The following CCDC148 variants were observed in gnomAD, a reference collection of about 807,000 sequenced individuals.
CCDC148 encodes coiled-coil domain containing 148.
Under a neutral mutation model 85.7 loss-of-function variants are expected in CCDC148, and 89 were observed. The observed-to-expected ratio is 1.04, with a 90% confidence interval of 0.87 to 1.24. The LOEUF is 1.24. Ranked by LOEUF, CCDC148 falls within the 50% of genes most tolerant of loss-of-function variation. The pLI is 0.00. For missense variants in CCDC148, 692 were observed against 671.7 expected (o/e 1.03, Z -0.33); for synonymous variants, 230 against 213.9 (o/e 1.08, Z -0.66).
chr2:158,299,277 T>A (rs1292682977), intron 9 of CCDC148, among the ~76,000 whole-genome samples: 1 of 152,198 alleles, frequency 6.6e-6, no homozygotes, highest in Non-Finnish European at 1.5e-5. Context: ...CTAGTGGTTG[T>A]TCTCTGTTTG....
intron 10 of CCDC148, among the ~76,000 whole-genome samples, chr2:158,247,017 T>G (rs796526684): frequency 1.3e-5 from 2 of 152,172 alleles, no homozygotes; most frequent in East Asian, 3.8e-4. Context: ...TTAATAACCT[T>G]GATTACTTGA....
At chr2:158,207,593 A>T (rs1686320512) in intron 11 of CCDC148, 1 of 152,246 alleles carries the variant, frequency 6.6e-6, no homozygotes, top group Non-Finnish European at 1.5e-5. Context: ...CTGTCATACC[A>T]TGAAGCAAAC....
intron 7 of CCDC148, among the ~76,000 whole-genome samples, chr2:158,331,199 G>A (rs1248081510): frequency 1.3e-5 from 2 of 151,958 alleles, no homozygotes; most frequent in Non-Finnish European, 2.9e-5. Context: ...AGAGATTCTG[G>A]TAGGTTGTCT....
At chr2:158,362,840 T>TA (rs756108607) in intron 1 of CCDC148, among the ~76,000 whole-genome samples, 2 of 149,400 alleles carry the variant, frequency 1.3e-5, no homozygotes, top group Non-Finnish European at 3.0e-5. Flanking sequence ...CTGAAGGAGA[T>TA]AGAGACACAA....
chr2:158,393,524 G>A (rs1250263621), intron 1 of CCDC148, among the ~76,000 whole-genome samples: 1 of 152,118 alleles, frequency 6.6e-6, no homozygotes, highest in East Asian at 1.9e-4. Context: ...GGCCACAAGG[G>A]TGGGATATGT....
At chr2:158,274,154 T>C (rs1211885406) in intron 9 of CCDC148, among the ~76,000 whole-genome samples, 2 of 152,172 alleles carry the variant, frequency 1.3e-5, no homozygotes, top group Admixed American at 6.5e-5. Flanking sequence ...TTCCCCAAGT[T>C]TAGGCTCTGG....
chr2:158,275,123 T>A (rs977101431), intron 9 of CCDC148, among the ~76,000 whole-genome samples: 1 of 152,192 alleles, frequency 6.6e-6, no homozygotes, highest in African/African-American at 2.4e-5. Flanking sequence ...CTCCCCTTCA[T>A]CCCTACTTCC....
chr2:158,349,522 C>T (rs1280652610), intron 2 of CCDC148, among the ~76,000 whole-genome samples: 2 of 151,758 alleles, frequency 1.3e-5, no homozygotes. Context: ...TGTTTGGTAT[C>T]TTAGCATTCA....
In CCDC148 at chr2:158,424,497, CAT is replaced by C. The variant is rs1274697463; in HGVS notation, c.25+31916_25+31917del. Reference sequence around the variant, plus strand: ...AAACCAAACACCGCATGTTCTCACTCATATGTGGGAATTGAACAATGAGAACA... The same window carrying C: ...AAACCAAACACCGCATGTTCTCACTCATGTGGGAATTGAACAATGAGAACA... On this transcript the variant is annotated intron_variant, in intron 1 of 13. Coordinates refer to ENST00000283233, the MANE Select transcript of CCDC148 (RefSeq NM_138803.4). 5.3e-5 allele frequency among the ~76,000 whole-genome samples: 8 copies of C among 151,712 alleles called. No homozygotes were observed. The East Asian group carries it at 1.5e-3, about 29-fold the overall frequency.
intron 1 of CCDC148, among the ~76,000 whole-genome samples, chr2:158,421,882 C>T (rs9636350): frequency 3.3e-5 from 5 of 151,480 alleles, no homozygotes; most frequent in East Asian, 1.9e-4. Context: ...ATCAAATAGA[C>T]GCAATAAAAA....
intron 10 of CCDC148, among the ~76,000 whole-genome samples, chr2:158,225,575 T>C (rs1408754056): frequency 2.0e-5 from 3 of 152,130 alleles, no homozygotes; most frequent in Non-Finnish European, 4.4e-5. Flanking sequence ...CCTCAGCAAA[T>C]GTAAAAGAAT....
chr2:158,350,863 G>T (rs759817875), intron 2 of CCDC148, among the ~76,000 whole-genome samples: 1 of 151,976 alleles, frequency 6.6e-6, no homozygotes, highest in Non-Finnish European at 1.5e-5. Flanking sequence ...CACGGCCATC[G>T]TCGTGTGCAT....
intron 13 of CCDC148, among the ~76,000 whole-genome samples, chr2:158,176,315 T>G (rs542497513): frequency 6.6e-6 from 1 of 152,200 alleles, no homozygotes; most frequent in East Asian, 1.9e-4. Flanking sequence ...TTAGGTAACC[T>G]CTTGTTCTAT....
intron 11 of CCDC148, among the ~76,000 whole-genome samples, chr2:158,181,422 A>G (rs976872360): frequency 4.6e-5 from 7 of 152,136 alleles, no homozygotes; most frequent in African/African-American, 1.4e-4. Flanking sequence ...TACAACGTCA[A>G]CATGGGAGAC....
chr2:158,403,975 T>C (rs1414503227), intron 1 of CCDC148, among the ~76,000 whole-genome samples: 5 of 152,152 alleles, frequency 3.3e-5, no homozygotes, highest in African/African-American at 1.2e-4. Context: ...TACTAGCTGT[T>C]TGACTTTGGG....
At chr2:158,424,226 C>G (rs544809992) in intron 1 of CCDC148, among the ~76,000 whole-genome samples, 38 of 152,210 alleles carry the variant, frequency 2.5e-4, no homozygotes, top group African/African-American at 9.2e-4. Context: ...AGTATACACC[C>G]AAAGGATTAT....
intron 1 of CCDC148, among the ~76,000 whole-genome samples, chr2:158,378,189 A>G (rs1684732066): frequency 6.6e-6 from 1 of 152,142 alleles, no homozygotes; most frequent in Non-Finnish European, 1.5e-5. Flanking sequence ...AAGTGATAAG[A>G]AAACAAAACA....
At chr2:158,428,248 G>T (rs916684093) in intron 1 of CCDC148, among the ~76,000 whole-genome samples, 10 of 152,042 alleles carry the variant, frequency 6.6e-5, no homozygotes, top group African/African-American at 2.4e-4. Flanking sequence ...GAAGTAAATG[G>T]GGTCAAAAGA....
At chr2:158,308,741 C>T (rs1691817295) in intron 9 of CCDC148, among the ~76,000 whole-genome samples, 1 of 152,208 alleles carries the variant, frequency 6.6e-6, no homozygotes, top group South Asian at 2.1e-4. Context: ...CTCCAGGACT[C>T]ATGCACTGTG....
Sources: gnomAD v4.1 joint callset for allele counts (sites outside exome capture counted in the v4.1 genomes callset) on GRCh38, gnomAD v4.1.1 for gene constraint, MANE v1.5 for transcripts, NCBI Gene and HGNC (gene_info 2026-07-23, HGNC 2026-07-21) for gene names.